Variants in POP1 observed in about 807,000 individuals in gnomAD.
The protein encoded by POP1 is POP1 ribonuclease P/MRP subunit.
Under a neutral mutation model 102.2 loss-of-function variants are expected in POP1, and 75 were observed. The ratio of observed to expected loss-of-function variants is 0.73; its 90% CI spans 0.61 to 0.89. The LOEUF is 0.89. POP1 is among the 40% of genes least tolerant of loss of function. The probability of loss-of-function intolerance (pLI) is 0.00; values close to 1 mark genes in which losing one functional copy is unlikely to be tolerated. For missense variants in POP1, 1,116 were observed against 1,267.4 expected (o/e 0.88, Z 1.81); for synonymous variants, 436 against 464.1 (o/e 0.94, Z 0.78).
At chr8:98,138,781 G>A (rs1348692361) in intron 9 of POP1, among the ~76,000 whole-genome samples, 1 of 151,288 alleles carries the variant, frequency 6.6e-6, no homozygotes, top group Admixed American at 6.6e-5. Flanking sequence ...TCCAGAGCCT[G>A]TACTGTAAAC....
Position 98,137,081 on chromosome 8 carries a change from A to T in POP1, c.1362+127A>T, listed in dbSNP as rs1457298625. The T allele has an allele frequency of 1.1e-5, 9 of 792,672 alleles. No homozygotes were observed. The East Asian group carries it at 2.4e-4, about 21-fold the overall frequency. 49.1% of individuals were successfully genotyped at this position (792,672 alleles called of 1,614,324 possible). The stretch of plus-strand genomic sequence containing the variant: ...TTAGATGTTTATTTCCCTACTTATT[A>T]TGCTTATTATCAAAGATTTTGTTAT... On this transcript the variant is annotated intron_variant, in intron 9 of 15. Transcript: ENST00000401707.
At chr8:98,153,683 G>C (rs1003153331) in intron 14 of POP1, among the ~76,000 whole-genome samples, 7 of 151,610 alleles carry the variant, frequency 4.6e-5, no homozygotes, top group Admixed American at 1.3e-4. Flanking sequence ...GATTACAGGT[G>C]CCCACCACCA....
intron 14 of POP1, among the ~76,000 whole-genome samples, chr8:98,154,744 C>CA (rs1410520764): frequency 6.6e-6 from 1 of 152,104 alleles, no homozygotes; most frequent in Non-Finnish European, 1.5e-5. Flanking sequence ...TAAAGACAAT[C>CA]AAAATGTCCT....
intron 5 of POP1, among the ~76,000 whole-genome samples, 161 bp from the exon 6 acceptor site, chr8:98,133,788 C>T (rs1458340881): frequency 2.0e-5 from 3 of 152,010 alleles, no homozygotes; most frequent in Middle Eastern, 3.4e-3. Flanking sequence ...ACTAAACCAT[C>T]GGGCAGGAGA....
chr8:98,134,888 T>C (rs1241410972), intron 7 of POP1, among the ~76,000 whole-genome samples: 1 of 152,208 alleles, frequency 6.6e-6, no homozygotes, highest in Non-Finnish European at 1.5e-5. Context: ...GTATATAATA[T>C]GATGATTTGA....
rs142565164 is a variant in POP1 at position 98,130,190 on chromosome 8, C to G, written c.699C>G (p.Ala233=). 1.2e-6 allele frequency: 2 copies of G among 1,614,182 alleles called. No individual in the cohort carries two copies. The highest frequency in any genetic ancestry group is 2.2e-5 in the East Asian group (1 of 44,884). Residue 233 remains alanine, a synonymous_variant, in exon 5 of 16, where the codon GCC becomes GCG. Coordinates refer to ENST00000401707, the MANE Select transcript of POP1 (RefSeq NM_001145860.2). ...GERPTVKSHR[A]CYRAMTNRCL... ...GGCCAACAGTCAAGAGCCACAGAGCCTGCTATCGAGCCATGACGAACCGGT... is the reference window on the plus strand; with the variant it reads ...GGCCAACAGTCAAGAGCCACAGAGCGTGCTATCGAGCCATGACGAACCGGT...
chr8:98,118,616 G>A (rs1815918586), intron 1 of POP1, among the ~76,000 whole-genome samples: 1 of 151,938 alleles, frequency 6.6e-6, no homozygotes, highest in Admixed American at 6.6e-5. Context: ...TGTGGAGACG[G>A]GGCTTCTTCA....
At chr8:98,129,294 T>C (rs1816307880) in intron 4 of POP1, among the ~76,000 whole-genome samples, 1 of 152,218 alleles carries the variant, frequency 6.6e-6, no homozygotes, top group African/African-American at 2.4e-5. Flanking sequence ...ACAAGTCTAA[T>C]TGTGTTTTGG....
intron 14 of POP1, among the ~76,000 whole-genome samples, chr8:98,155,323 C>T (rs903599480): frequency 2.0e-5 from 3 of 152,162 alleles, no homozygotes; most frequent in Admixed American, 6.5e-5. Flanking sequence ...TCGCTTTTGT[C>T]AGGATAGAGT....
In POP1 at chr8:98,133,935, C is replaced by T. The variant is rs1475669504; in HGVS notation, c.736-14C>T. On this transcript the variant is annotated splice_polypyrimidine_tract_variant and intron_variant, in intron 5 of 15. Transcript: ENST00000401707. ...AATTCCTAAGTACTTAATTGTGTCT[C>T]CCGCTTTGTGCAGGATTTATCCTAT... 1.2e-6 allele frequency: 2 copies of T among 1,602,852 alleles called. No individual in the cohort carries two copies. The highest frequency in any genetic ancestry group is 1.7e-6 in the Non-Finnish European group (2 of 1,169,990).
intron 9 of POP1, among the ~76,000 whole-genome samples, chr8:98,137,850 A>G (rs185514268): frequency 6.6e-6 from 1 of 152,294 alleles, no homozygotes; most frequent in East Asian, 1.9e-4. Context: ...TAGCATAGAG[A>G]CTAGATTAGG....
chr8:98,133,671 A>T (rs568831608), intron 5 of POP1, among the ~76,000 whole-genome samples: 97 of 152,362 alleles, frequency 6.4e-4, no homozygotes, highest in African/African-American at 2.3e-3. Flanking sequence ...AAAAAGTAGG[A>T]TACCGTAACT....
At chr8:98,118,654 G>C (rs1025353751) in intron 1 of POP1, among the ~76,000 whole-genome samples, 4 of 152,086 alleles carry the variant, frequency 2.6e-5, no homozygotes, top group African/African-American at 9.7e-5. Flanking sequence ...TCCAACTCTT[G>C]GGCTCAAGCA....
chr8:98,154,579 G>A (rs913441684), intron 14 of POP1, among the ~76,000 whole-genome samples: 3 of 152,164 alleles, frequency 2.0e-5, no homozygotes, highest in South Asian at 2.1e-4. Context: ...TAAGACATGC[G>A]AAGTGAGGGT....
In POP1 at chr8:98,134,646, C is replaced by T. The variant is rs1180750431; in HGVS notation, c.998C>T (p.Pro333Leu). ...ESRQLWIWLHPTLKQDILEEI... is the reference protein window; with the variant it reads ...ESRQLWIWLHLTLKQDILEEI... ...AGGCAGCTGTGGATCTGGCTGCATC[C>T]AACCCTTAAACAGGTATAATCCTTC... Residue 333 changes from proline (P) to leucine (L), a missense_variant, in exon 7 of 16, where the codon CCA becomes CTA. By Grantham distance (98) the Pro-to-Leu change is moderately conservative. Coordinates refer to ENST00000401707, the MANE Select transcript of POP1 (RefSeq NM_001145860.2). 3 of 1,612,670 alleles carry T rather than the reference C, an allele frequency of 1.9e-6. No homozygotes were observed.
chr8:98,146,173 C>T (rs1489929465), intron 11 of POP1, among the ~76,000 whole-genome samples: 4 of 152,106 alleles, frequency 2.6e-5, no homozygotes, highest in African/African-American at 9.7e-5. Context: ...TTAAGTCACC[C>T]TCCCCCCTTA....
At chr8:98,139,193 G>A (rs28420141) in intron 9 of POP1, among the ~76,000 whole-genome samples, 20,111 of 152,106 alleles carry the variant, frequency 0.13, 1,432 homozygotes, top group Middle Eastern at 0.26. Context: ...TCCTACTTCA[G>A]TGAACTTCAG....
intron 9 of POP1, among the ~76,000 whole-genome samples, chr8:98,138,999 C>T (rs965073731): frequency 6.6e-6 from 1 of 151,994 alleles, no homozygotes; most frequent in African/African-American, 2.4e-5. Context: ...ATTACAGGTG[C>T]CAGCCAACAC....
At chr8:98,123,083 AG>A (rs1419561424) in intron 1 of POP1, among the ~76,000 whole-genome samples, 1 of 152,202 alleles carries the variant, frequency 6.6e-6, no homozygotes, top group Non-Finnish European at 1.5e-5. Flanking sequence ...ATCAAGGTAA[AG>A]TATTTGAACT....
Sources: allele counts gnomAD v4.1 joint callset (sites outside exome capture counted in the v4.1 genomes callset), GRCh38; gene constraint gnomAD v4.1.1; transcripts MANE v1.5; gene names NCBI Gene and HGNC (gene_info 2026-07-23, HGNC 2026-07-21).